Variants in TMC7 observed in about 807,000 individuals in gnomAD.
TMC7 encodes transmembrane channel-like protein 7.
In TMC7, 54 loss-of-function variants were observed where a neutral mutation model predicts 82.9. The observed-to-expected ratio is 0.65, with a 90% CI of 0.52 to 0.82. TMC7 has a LOEUF of 0.82. TMC7 is among the 40% of genes least tolerant of loss of function. TMC7 has a pLI of 0.00. For synonymous variants in TMC7, 350 were observed against 337.9 expected, an observed-to-expected ratio of 1.04 and a Z score of -0.39; for missense variants, 820 against 901.2, an observed-to-expected ratio of 0.91 and a Z score of 1.15.
intron 10 of TMC7, 50 bp from the exon 11 acceptor site, chr16:19,045,291 C>G (rs768613590): frequency 2.0e-6 from 3 of 1,494,520 alleles, no homozygotes; most frequent in Non-Finnish European, 2.8e-6. Flanking sequence ...GCCTGGTTTT[C>G]TCTGCCTCAG....
chr16:18,985,510 TAG>T (rs1255833377), intron 1 of TMC7, among the ~76,000 whole-genome samples: 24 of 152,288 alleles, frequency 1.6e-4, no homozygotes, highest in Admixed American at 7.9e-4. Context: ...TTCCTATTAA[TAG>T]TCATCTTATT....
At chr16:18,986,804 G>T (rs2038858334) in intron 1 of TMC7, among the ~76,000 whole-genome samples, 1 of 151,342 alleles carries the variant, frequency 6.6e-6, no homozygotes, top group Non-Finnish European at 1.5e-5. Flanking sequence ...ACTCCTCTTG[G>T]TTCTTTTTTT....
chr16:19,034,394 C>T (rs919666188), intron 6 of TMC7, among the ~76,000 whole-genome samples: 1 of 151,648 alleles, frequency 6.6e-6, no homozygotes, highest in Non-Finnish European at 1.5e-5. Context: ...GTCAGGAGAT[C>T]GAGACCAGCC....
intron 1 of TMC7, among the ~76,000 whole-genome samples, chr16:19,003,442 G>T (rs1345254660): frequency 2.7e-5 from 4 of 148,954 alleles, no homozygotes; most frequent in Non-Finnish European, 6.0e-5. Context: ...CAGCCGCCCC[G>T]TCCGGGAGGT....
At chr16:19,031,886 T>G (rs1960533145) in intron 6 of TMC7, among the ~76,000 whole-genome samples, 1 of 152,100 alleles carries the variant, frequency 6.6e-6, no homozygotes, top group South Asian at 2.1e-4. Flanking sequence ...CGGATGGTAT[T>G]TATAGGCCAG....
chr16:18,997,163 G>A (rs1394576514), intron 1 of TMC7, among the ~76,000 whole-genome samples: 4 of 152,210 alleles, frequency 2.6e-5, no homozygotes, highest in African/African-American at 7.2e-5. Flanking sequence ...CCGGTCTCCC[G>A]AAGGAGTCCT....
At chr16:19,022,840 C>G (rs55743338) in intron 4 of TMC7, among the ~76,000 whole-genome samples, 1 of 151,944 alleles carries the variant, frequency 6.6e-6, no homozygotes, top group Non-Finnish European at 1.5e-5. Flanking sequence ...ACCAGCCTGG[C>G]GAAACCCCAT....
At chr16:19,003,438 C>T (rs1402119695) in intron 1 of TMC7, among the ~76,000 whole-genome samples, 1 of 149,238 alleles carries the variant, frequency 6.7e-6, no homozygotes, top group Non-Finnish European at 1.5e-5. Flanking sequence ...CGGCCAGCCG[C>T]CCCGTCCGGG....
At chr16:19,006,023 T>C (rs1197419164) in intron 1 of TMC7, among the ~76,000 whole-genome samples, 2 of 152,194 alleles carry the variant, frequency 1.3e-5, no homozygotes, top group Admixed American at 6.5e-5. Flanking sequence ...AGCCAGGCCT[T>C]GACCGGTCCC....
At chr16:19,007,267 C>G (rs1262352964) in intron 1 of TMC7, among the ~76,000 whole-genome samples, 1 of 152,124 alleles carries the variant, frequency 6.6e-6, no homozygotes, top group Non-Finnish European at 1.5e-5. Context: ...AACCCTGGCC[C>G]GAGAACACAG....
At chr16:19,001,809 A>T (rs181251728) in intron 1 of TMC7, among the ~76,000 whole-genome samples, 1 of 152,232 alleles carries the variant, frequency 6.6e-6, no homozygotes, top group Non-Finnish European at 1.5e-5. Context: ...GCAAGTCTTC[A>T]TCTTCTCCAG....
rs762224041 is a variant in TMC7 at position 19,047,081 on chromosome 16, T to C, written c.1572T>C (p.Cys524=). The C allele has an allele frequency of 6.2e-7, 1 of 1,611,394 alleles. No individual in the cohort carries two copies. The change falls in exon 12 of 16, where the codon TGT becomes TGC. Residue 524 remains cysteine (C), a synonymous_variant. Coordinates refer to ENST00000304381, the MANE Select transcript of TMC7 (RefSeq NM_024847.4). ...TTTCCAGGCTCCTGGTGACCTACTG[T>C]TCCTCTTGCAAGCTGATTCAGTGCT... is the stretch of plus-strand genomic sequence containing the variant. ...DFPRKLLVTY[C]SSCKLIQCWG... is the part of the protein sequence containing the mutation.
chr16:19,024,875 G>A (rs560150057), intron 5 of TMC7, among the ~76,000 whole-genome samples: 10 of 152,108 alleles, frequency 6.6e-5, no homozygotes, highest in African/African-American at 2.2e-4. Context: ...GCGTGGTGGC[G>A]GGCGCCTGTA....
intron 6 of TMC7, among the ~76,000 whole-genome samples, chr16:19,032,722 G>C (rs1279068074): frequency 6.6e-6 from 1 of 152,028 alleles, no homozygotes; most frequent in Non-Finnish European, 1.5e-5. Context: ...CTGCCTTCCG[G>C]GTTCAAGCAA....
At chr16:19,022,694 A>G (rs1449833561) in intron 4 of TMC7, among the ~76,000 whole-genome samples, 4 of 152,224 alleles carry the variant, frequency 2.6e-5, no homozygotes, top group Non-Finnish European at 5.9e-5. Context: ...TCGTTAAGCC[A>G]TGCATGACTG....
intron 3 of TMC7, 53 bp downstream of exon 3, chr16:19,016,651 G>C: frequency 1.3e-6 from 2 of 1,581,628 alleles, no homozygotes; most frequent in Non-Finnish European, 1.7e-6. Context: ...TGTGTCTGGG[G>C]AGCAAGTACA....
chr16:19,039,066 T>C (rs949539995), intron 8 of TMC7, among the ~76,000 whole-genome samples: 52 of 151,274 alleles, frequency 3.4e-4, no homozygotes, highest in African/African-American at 1.2e-3. Context: ...CCCTAGGATA[T>C]GGTTTTCTTT....
rs1204857295 is a variant in TMC7, at chr16:19,030,306, C to T, written c.794C>T (p.Pro265Leu). 3 of 1,613,658 alleles carry T rather than the reference C, an allele frequency of 1.9e-6. No individual in the cohort carries two copies. Among genetic ancestry groups the T allele is most frequent in the South Asian group, 1.1e-5 (1 of 91,044 alleles). ...VKFQNFTYDL[P>L]LAYLLSTIAS... ...TTTCAGAACTTCACCTATGATCTGCCCCTGGCGTATTTGTTAAGCACAATC... is the reference window on the plus strand; with the variant it reads ...TTTCAGAACTTCACCTATGATCTGCTCCTGGCGTATTTGTTAAGCACAATC... Residue 265 changes from proline to leucine, a missense_variant, in exon 6 of 16, where the codon CCC (proline) becomes CTC (leucine). Around this residue, in one of 2 missense-constraint regions of TMC7, gnomAD observed 650 missense variants for 669.9 expected, o/e 0.97. Coordinates refer to ENST00000304381, the MANE Select transcript of TMC7 (RefSeq NM_024847.4).
chr16:19,029,756 C>T (rs1352203208), intron 5 of TMC7, among the ~76,000 whole-genome samples: 1 of 151,232 alleles, frequency 6.6e-6, no homozygotes, highest in Non-Finnish European at 1.5e-5. Flanking sequence ...TCTCAGCTCA[C>T]AGCAACCTCT....
Sources: gnomAD v4.1 joint callset for allele counts (sites outside exome capture counted in the v4.1 genomes callset) on GRCh38, gnomAD v4.1.1 for gene constraint, gnomAD v4.1.1 regional missense constraint, MANE v1.5 for transcripts, NCBI Gene and HGNC (gene_info 2026-07-23, HGNC 2026-07-21) for gene names.